Variants in PDE1A observed in about 807,000 individuals in gnomAD.
PDE1A encodes phosphodiesterase 1A.
A neutral mutation model predicts 61.7 loss-of-function variants in PDE1A; 35 were observed. The observed-to-expected ratio is 0.57, with a 90% CI of 0.43 to 0.75. The LOEUF is 0.75. Ranked by LOEUF, PDE1A falls within the 30% of genes least tolerant of loss-of-function variation. The pLI is 0.00. For missense variants in PDE1A, 597 were observed against 630.6 expected, an observed-to-expected ratio of 0.95 and a Z score of 0.57; for synonymous variants, 232 against 213.2, an observed-to-expected ratio of 1.09 and a Z score of -0.77.
At chr2:182,242,935 ATG>A (rs899697354) in intron 2 of PDE1A, among the ~76,000 whole-genome samples, 9 of 142,692 alleles carry the variant, frequency 6.3e-5, no homozygotes, top group Non-Finnish European at 1.1e-4. Flanking sequence ...TCGTGTGTGT[ATG>A]TGTGTGTGTG....
chr2:182,364,466 T>TAAAAAAAAAAA (rs201821721), intron 1 of PDE1A, among the ~76,000 whole-genome samples: 1,767 of 35,828 alleles, frequency 0.049, 593 homozygotes, highest in Non-Finnish European at 0.066. Flanking sequence ...AACACTTTGG[T>TAAAAAAAAAAA]AAAAAAAAAA....
chr2:182,694,217 C>T, the PDE1A span, among the ~76,000 whole-genome samples: 1 of 152,130 alleles, frequency 6.6e-6, no homozygotes, highest in African/African-American at 2.4e-5. Flanking sequence ...GTCCTAGCAC[C>T]ATTTGTTGAA....
chr2:182,229,768 A>C (rs964401948), intron 6 of PDE1A, among the ~76,000 whole-genome samples: 1 of 98,838 alleles, frequency 1.0e-5, no homozygotes, highest in Non-Finnish European at 2.0e-5. Flanking sequence ...TGGTAGTCCA[A>C]ATTTTGGGAA....
the PDE1A span, among the ~76,000 whole-genome samples, chr2:182,564,486 C>T: frequency 6.6e-6 from 1 of 152,198 alleles, no homozygotes; most frequent in Non-Finnish European, 1.5e-5. Flanking sequence ...CTGCCCTTAA[C>T]ATTTTTTCCT....
At chr2:182,412,138 C>A (rs1202943182) in intron 1 of PDE1A, among the ~76,000 whole-genome samples, 2 of 151,916 alleles carry the variant, frequency 1.3e-5, no homozygotes. Flanking sequence ...TCTCACCAAC[C>A]TAGGTAAATT....
intron 2 of PDE1A, among the ~76,000 whole-genome samples, chr2:182,516,597 G>T (rs974773527): frequency 6.6e-6 from 1 of 151,534 alleles, no homozygotes; most frequent in Non-Finnish European, 1.5e-5. Context: ...AGGCTGCAGT[G>T]AGCAGAGATC....
downstream of PDE1A, chr2:182,142,123 AAC>A (rs59139983): frequency 0.023 from 3,370 of 146,208 alleles, 64 homozygotes; most frequent in African/African-American, 0.059. Context: ...GACATTTTTG[AAC>A]ACACACACAC....
intron 2 of PDE1A, among the ~76,000 whole-genome samples, chr2:182,244,666 T>C (rs1690816847): frequency 1.3e-5 from 2 of 152,220 alleles, no homozygotes; most frequent in African/African-American, 4.8e-5. Context: ...CTGGCATGGG[T>C]TCTTTGTCAT....
chr2:182,360,434 G>C (rs1032011548), intron 1 of PDE1A, among the ~76,000 whole-genome samples: 14 of 151,742 alleles, frequency 9.2e-5, no homozygotes, highest in African/African-American at 3.4e-4. Context: ...GGGGCAGGGA[G>C]ACCTCACTGG....
intron 2 of PDE1A, among the ~76,000 whole-genome samples, chr2:182,507,764 A>C (rs955399619): frequency 3.3e-5 from 5 of 152,242 alleles, no homozygotes; most frequent in Non-Finnish European, 5.9e-5. Context: ...TAGGAAATGA[A>C]GTATTGAACA....
the PDE1A span, among the ~76,000 whole-genome samples, chr2:182,597,521 G>A: frequency 6.6e-6 from 1 of 152,112 alleles, no homozygotes; most frequent in Non-Finnish European, 1.5e-5. Flanking sequence ...AGGGGTCCTG[G>A]GAGGGTCCTG....
intron 2 of PDE1A, among the ~76,000 whole-genome samples, chr2:182,487,446 A>T (rs1434635432): frequency 6.6e-6 from 1 of 152,206 alleles, no homozygotes; most frequent in African/African-American, 2.4e-5. Flanking sequence ...ATATATTTAT[A>T]CAATCTTGTC....
intron 2 of PDE1A, among the ~76,000 whole-genome samples, chr2:182,452,631 A>G (rs1307640615): frequency 1.3e-5 from 2 of 152,138 alleles, no homozygotes; most frequent in African/African-American, 2.4e-5. Context: ...GATTGTTGCA[A>G]TGAAGCATTT....
At chr2:182,521,382 AT>A (rs1316445828) in intron 2 of PDE1A, among the ~76,000 whole-genome samples, 1 of 152,084 alleles carries the variant, frequency 6.6e-6, no homozygotes, top group African/African-American at 2.4e-5. Flanking sequence ...TAATATTTTC[AT>A]TTGAGATCTG....
At chr2:182,366,105 T>C (rs1442435897) in intron 1 of PDE1A, among the ~76,000 whole-genome samples, 1 of 152,092 alleles carries the variant, frequency 6.6e-6, no homozygotes, top group Non-Finnish European at 1.5e-5. Flanking sequence ...ATTACTTTTA[T>C]AGGAGCAGGC....
At chr2:182,508,493 T>C (rs537194727) in intron 2 of PDE1A, among the ~76,000 whole-genome samples, 2 of 151,794 alleles carry the variant, frequency 1.3e-5, no homozygotes, top group South Asian at 4.1e-4. Flanking sequence ...AAAACTGGCA[T>C]GTGGAGTAAT....
At chr2:182,562,842 T>C in the PDE1A span, among the ~76,000 whole-genome samples, 4 of 152,234 alleles carry the variant, frequency 2.6e-5, no homozygotes, top group African/African-American at 7.2e-5. Flanking sequence ...TTTATTTGCG[T>C]AGAGGTGTTT....
chr2:182,550,692 G>A, the PDE1A span, among the ~76,000 whole-genome samples: 5 of 152,104 alleles, frequency 3.3e-5, no homozygotes, highest in South Asian at 2.1e-4. Context: ...CTTAACAATA[G>A]GATTCTATAC....
At chr2:182,589,961 T>C in the PDE1A span, among the ~76,000 whole-genome samples, 1 of 152,194 alleles carries the variant, frequency 6.6e-6, no homozygotes, top group Non-Finnish European at 1.5e-5. Flanking sequence ...CTTTTGGTGC[T>C]CTCCATTTGA....
Sources: allele counts gnomAD v4.1 joint callset (sites outside exome capture counted in the v4.1 genomes callset), GRCh38; gene constraint gnomAD v4.1.1; transcripts MANE v1.5; gene names NCBI Gene and HGNC (gene_info 2026-07-23, HGNC 2026-07-21).